The following UPP2 variants were observed in gnomAD, a reference collection of about 807,000 sequenced individuals.
UPP2 encodes UPase 2.
A neutral mutation model predicts 26.7 loss-of-function variants in UPP2; 23 were observed. The observed-to-expected ratio is 0.86, with a 90% CI of 0.62 to 1.22. The LOEUF (loss-of-function observed/expected upper bound fraction) is 1.22, where lower values mean the gene tolerates loss of function less well. Among genes scored for constraint, UPP2 ranks in the 50% most tolerant of loss-of-function variants. The pLI, the probability that UPP2 is intolerant of heterozygous loss-of-function variation, is 0.00. For synonymous variants in UPP2, 127 were observed against 141.3 expected (o/e 0.90, Z 0.72); for missense variants, 387 against 396.7 (o/e 0.98, Z 0.21).
upstream of UPP2, among the ~76,000 whole-genome samples, chr2:158,101,031 C>T (rs1558930432): frequency 2.6e-5 from 4 of 152,158 alleles, no homozygotes; most frequent in Admixed American, 2.0e-4. Context: ...GGAAAGAAAT[C>T]CAAGCATATT....
intron 3 of UPP2, among the ~76,000 whole-genome samples, chr2:158,090,628 A>C (rs764365513): frequency 7.2e-5 from 11 of 152,216 alleles, no homozygotes; most frequent in Non-Finnish European, 1.6e-4. Context: ...AATTTTTTGC[A>C]ATATTATTTT....
chr2:158,124,453 A>G (rs1683649277), intron 6 of UPP2, among the ~76,000 whole-genome samples: 1 of 152,190 alleles, frequency 6.6e-6, no homozygotes, highest in Non-Finnish European at 1.5e-5. Context: ...TGTGTAGGAC[A>G]CTGTGAGAAC....
chr2:158,133,759 T>C (rs1683873558), intron 6 of UPP2: 1 of 152,198 alleles, frequency 6.6e-6, no homozygotes, highest in Non-Finnish European at 1.5e-5. Context: ...AAATAAACAC[T>C]ACCCTCATGC....
rs1683908570 is a variant in UPP2, at chr2:158,135,185, T to C, written c.*295T>C. ...ATATGCAGCATTAATTAAGCTCACA[T>C]CAAAATAGACCAGCCATTTGCACAT... On this transcript the variant is annotated 3_prime_UTR_variant, in exon 7 of 7. Transcript: ENST00000005756. 1 of 223,254 alleles carries C rather than the reference T, an allele frequency of 4.5e-6. No homozygotes were observed. The highest frequency in any genetic ancestry group is 5.8e-5 in the Admixed American group (1 of 17,278). The allele number at this position is 223,254 out of a possible 1,614,324, so 13.8% of individuals were successfully genotyped here. A position where few individuals can be genotyped will look rare whatever the true frequency, so the allele number is the denominator to read the frequency against.
chr2:158,087,924 C>G (rs1411164462), intron 3 of UPP2, among the ~76,000 whole-genome samples: 1 of 152,160 alleles, frequency 6.6e-6, no homozygotes, highest in Non-Finnish European at 1.5e-5. Flanking sequence ...AAGATTCTTT[C>G]CTTCATCTTG....
At chr2:158,041,108 G>T (rs1684076006) in intron 3 of UPP2, among the ~76,000 whole-genome samples, 1 of 152,064 alleles carries the variant, frequency 6.6e-6, no homozygotes, top group South Asian at 2.1e-4. Context: ...AAATAATAAA[G>T]AACCACAGAT....
chr2:158,033,809 G>T (rs999284207), intron 3 of UPP2, among the ~76,000 whole-genome samples: 1 of 152,156 alleles, frequency 6.6e-6, no homozygotes, highest in Non-Finnish European at 1.5e-5. Flanking sequence ...TCACCCCAAG[G>T]TTCTCTTAAA....
intron 6 of UPP2, chr2:158,127,946 A>AG (rs1012893512): frequency 1.0e-6 from 1 of 956,638 alleles, no homozygotes; most frequent in African/African-American, 1.8e-5. Flanking sequence ...ATATGCACAT[A>AG]TCTGTGTCTC....
At chr2:158,015,875 G>A in exon 3 of UPP2, 1 of 451,126 alleles carries the variant, frequency 2.2e-6, no homozygotes, top group Non-Finnish European at 4.4e-6. Context: ...TTCCTGTACA[G>A]CCTGTGGAAC....
At position 158,101,948 on chromosome 2, in the gene UPP2, G is replaced by T; in HGVS notation, c.-116G>T. The T allele has an allele frequency of 1.4e-6, 2 of 1,444,762 alleles. No individual in the cohort carries two copies. The highest frequency in any genetic ancestry group is 2.4e-4 in the Middle Eastern group (1 of 4,202). 89.5% of individuals were successfully genotyped at this position (1,444,762 alleles called of 1,614,324 possible). On this transcript the variant is annotated 5_prime_UTR_variant, in exon 1 of 7. Transcript: ENST00000005756. ...CAGGAAAACCTAAGTTTTAAGAGAG[G>T]TTATCATTCTGACTGGGAACTGAAC...
chr2:158,091,037 A>G (rs1682904010), intron 3 of UPP2, among the ~76,000 whole-genome samples: 1 of 152,198 alleles, frequency 6.6e-6, no homozygotes, highest in East Asian at 1.9e-4. Flanking sequence ...TGGGTACAAA[A>G]ACAGTCTCCA....
chr2:158,088,798 T>C (rs1225382908), intron 3 of UPP2, among the ~76,000 whole-genome samples: 1 of 152,202 alleles, frequency 6.6e-6, no homozygotes, highest in East Asian at 1.9e-4. Flanking sequence ...GGGCTGGTAC[T>C]GGCGAGTGTC....
At chr2:158,074,200 C>T (rs188207583) in intron 3 of UPP2, among the ~76,000 whole-genome samples, 33 of 152,072 alleles carry the variant, frequency 2.2e-4, no homozygotes, top group African/African-American at 7.9e-4. Flanking sequence ...AAAATCCAAA[C>T]AGAAAAGAAA....
Position 158,121,262 on chromosome 2 carries a change from T to C in UPP2, c.455-147T>C, listed in dbSNP as rs1461712052. 4 of 730,506 alleles carry C rather than the reference T, an allele frequency of 5.5e-6. No homozygotes were observed. In the East Asian group the frequency reaches 9.9e-5, roughly 18 times the overall value. 45.3% of individuals were successfully genotyped at this position (730,506 alleles called of 1,614,324 possible). On this transcript the variant is annotated intron_variant, in intron 4 of 6. Coordinates refer to ENST00000005756, the MANE Select transcript of UPP2 (RefSeq NM_173355.4). ...AATGCCTCTTCTGAATGTTATTTAA[T>C]TGCATTTGGAAAAGAAAATAATTTT...
intron 3 of UPP2, among the ~76,000 whole-genome samples, chr2:158,052,804 T>C (rs1321029136): frequency 2.6e-5 from 4 of 152,194 alleles, no homozygotes; most frequent in Non-Finnish European, 4.4e-5. Flanking sequence ...ATAGTAAACA[T>C]TGGAGGTTTG....
intron 3 of UPP2, among the ~76,000 whole-genome samples, chr2:158,071,697 C>G (rs79917889): frequency 0.019 from 2,895 of 152,140 alleles, 37 homozygotes; most frequent in Non-Finnish European, 0.03. Flanking sequence ...TATGAGTCCC[C>G]CAGACAACAT....
At chr2:158,014,776 C>G (rs942549503) in intron 2 of UPP2, among the ~76,000 whole-genome samples, 2 of 152,166 alleles carry the variant, frequency 1.3e-5, no homozygotes, top group African/African-American at 4.8e-5. Context: ...ACATCTTCTC[C>G]CTCCACCCCA....
chr2:158,120,030 A>C, intron 4 of UPP2, among the ~76,000 whole-genome samples: 1 of 151,766 alleles, frequency 6.6e-6, no homozygotes, highest in East Asian at 1.9e-4. Flanking sequence ...AAATAAAAAT[A>C]AAAATAAATT....
intron 3 of UPP2, among the ~76,000 whole-genome samples, chr2:158,030,150 T>C (rs1683902700): frequency 6.6e-6 from 1 of 152,152 alleles, no homozygotes; most frequent in African/African-American, 2.4e-5. Context: ...CTGGACAAGT[T>C]GGTAAAAGAT....
Sources: allele counts gnomAD v4.1 joint callset (sites outside exome capture counted in the v4.1 genomes callset), GRCh38; gene constraint gnomAD v4.1.1; transcripts MANE v1.5; gene names NCBI Gene and HGNC (gene_info 2026-07-23, HGNC 2026-07-21).